Variants in ZDHHC2 observed in about 807,000 individuals in gnomAD.
ZDHHC2 encodes the protein palmitoyltransferase ZDHHC2.
Under a neutral mutation model 55.6 loss-of-function variants are expected in ZDHHC2, and 51 were observed. The ratio of observed to expected loss-of-function variants is 0.92; its 90% CI spans 0.73 to 1.16. ZDHHC2 has a LOEUF of 1.16. Ranked by LOEUF, ZDHHC2 falls within the 50% of genes most tolerant of loss-of-function variation. The pLI, the probability that ZDHHC2 is intolerant of heterozygous loss-of-function variation, is 0.00. For missense variants in ZDHHC2, 491 were observed against 442.4 expected (o/e 1.11, Z -0.99); for synonymous variants, 199 against 152.9 (o/e 1.30, Z -2.22).
chr8:17,213,880 T>C (rs1425165943), intron 10 of ZDHHC2, among the ~76,000 whole-genome samples: 1 of 152,148 alleles, frequency 6.6e-6, no homozygotes, highest in Non-Finnish European at 1.5e-5. Context: ...TAAACCTGTG[T>C]GGAGATATGC....
At position 17,221,518 on chromosome 8, in the gene ZDHHC2, CTAAG is replaced by C. The variant is rs1402015330; in HGVS notation, c.*1301_*1304del. Reference sequence around the variant, plus strand: ...AGATTACCTTTTAAAACTGGACCAACTAAGTAATTGGTATTTAATCAAAGAGAAA... The same window carrying C: ...AGATTACCTTTTAAAACTGGACCAACTAATTGGTATTTAATCAAAGAGAAA... On this transcript the variant is annotated 3_prime_UTR_variant, in exon 13 of 13. Transcript: ENST00000262096. The C allele has an allele frequency of 3.9e-5, 6 of 152,414 alleles. No individual in the cohort carries two copies. The highest frequency in any genetic ancestry group is 1.9e-4 in the East Asian group (1 of 5,192). The allele number at this position is 152,414 out of a possible 1,614,324, so 9.4% of individuals were successfully genotyped here.
At chr8:17,181,093 G>T (rs574873806) in intron 1 of ZDHHC2, among the ~76,000 whole-genome samples, 1 of 152,302 alleles carries the variant, frequency 6.6e-6, no homozygotes, top group Non-Finnish European at 1.5e-5. Flanking sequence ...GAGTGCTATG[G>T]TGTGCTAAGC....
chr8:17,178,356 T>C (rs1326274881), intron 1 of ZDHHC2, among the ~76,000 whole-genome samples: 1 of 152,172 alleles, frequency 6.6e-6, no homozygotes, highest in Admixed American at 6.6e-5. Flanking sequence ...AATTAATATA[T>C]ATAAATCATT....
chr8:17,196,887 G>T (rs1440025767), intron 4 of ZDHHC2, among the ~76,000 whole-genome samples: 1 of 151,638 alleles, frequency 6.6e-6, no homozygotes, highest in East Asian at 1.9e-4. Context: ...CTCCAGCCTA[G>T]GTGACAGTGA....
At chr8:17,197,886 A>T (rs1006471038) in intron 5 of ZDHHC2, among the ~76,000 whole-genome samples, 1 of 152,204 alleles carries the variant, frequency 6.6e-6, no homozygotes, top group African/African-American at 2.4e-5. Flanking sequence ...GATTTTTAGC[A>T]GTTCTGACTT....
intron 2 of ZDHHC2, among the ~76,000 whole-genome samples, chr8:17,185,893 A>G (rs372596830): frequency 6.6e-6 from 1 of 152,258 alleles, no homozygotes; most frequent in African/African-American, 2.4e-5. Context: ...GAGCCAAGCA[A>G]ATAAGCAAAC....
chr8:17,194,494 C>G (rs573769340), intron 3 of ZDHHC2, among the ~76,000 whole-genome samples: 1 of 151,478 alleles, frequency 6.6e-6, no homozygotes, highest in Admixed American at 6.6e-5. Flanking sequence ...AGCTGTTTCC[C>G]TTTATTCCTC....
Position 17,222,203 on chromosome 8 carries a change from T to C in ZDHHC2, c.*1982T>C, listed in dbSNP as rs1585755445. 2 of 151,838 alleles carry C rather than the reference T, an allele frequency of 1.3e-5. No homozygotes were observed. Among genetic ancestry groups the C allele is most frequent in the South Asian group, 2.1e-4 (1 of 4,830 alleles). 9.4% of individuals were successfully genotyped at this position (151,838 alleles called of 1,614,324 possible). A position where few individuals can be genotyped will look rare whatever the true frequency, so the allele number is the denominator to read the frequency against. ...ATCAGATTTGAAAAAGTTAAAACAA[T>C]TTCATTGTTGTAATTGTTCCCTTTC... On this transcript the variant is annotated 3_prime_UTR_variant, in exon 13 of 13. Coordinates refer to ENST00000262096, the MANE Select transcript of ZDHHC2 (RefSeq NM_016353.5).
intron 1 of ZDHHC2, among the ~76,000 whole-genome samples, chr8:17,171,072 AC>A (rs1804830649): frequency 6.6e-6 from 1 of 152,136 alleles, no homozygotes; most frequent in Admixed American, 6.6e-5. Context: ...CCATAGACTT[AC>A]ATGGTTCTAC....
chr8:17,218,038 A>G (rs1807728151), intron 12 of ZDHHC2, among the ~76,000 whole-genome samples: 1 of 152,194 alleles, frequency 6.6e-6, no homozygotes, highest in African/African-American at 2.4e-5. Flanking sequence ...ATCAAAGTTC[A>G]TGGATATCTG....
At chr8:17,160,851 C>T (rs144780964) in intron 1 of ZDHHC2, among the ~76,000 whole-genome samples, 2 of 152,160 alleles carry the variant, frequency 1.3e-5, no homozygotes, top group Admixed American at 6.5e-5. Flanking sequence ...AACAAATGGG[C>T]GTGGCTTTTA....
intron 1 of ZDHHC2, among the ~76,000 whole-genome samples, chr8:17,181,930 A>G (rs1563149345): frequency 6.6e-6 from 1 of 152,176 alleles, no homozygotes; most frequent in Non-Finnish European, 1.5e-5. Flanking sequence ...TTTGACAATA[A>G]CTTTGTATTT....
chr8:17,168,745 A>G (rs771769016), intron 1 of ZDHHC2, among the ~76,000 whole-genome samples: 7 of 151,696 alleles, frequency 4.6e-5, no homozygotes, highest in Non-Finnish European at 7.4e-5. Context: ...ATCATACAAT[A>G]TTTGTCCTTT....
intron 1 of ZDHHC2, among the ~76,000 whole-genome samples, chr8:17,174,544 T>C (rs1456834699): frequency 6.6e-6 from 1 of 152,118 alleles, no homozygotes; most frequent in African/African-American, 2.4e-5. Flanking sequence ...TTTGTTATAT[T>C]GTTAATAGTG....
intron 9 of ZDHHC2, 52 bp downstream of exon 9, chr8:17,210,110 A>G (rs1807303277): frequency 1.3e-6 from 2 of 1,536,204 alleles, no homozygotes; most frequent in Admixed American, 2.2e-5. Context: ...ATAATACAGC[A>G]AAAGATAGTT....
At chr8:17,174,615 G>A (rs1404111532) in intron 1 of ZDHHC2, among the ~76,000 whole-genome samples, 2 of 151,746 alleles carry the variant, frequency 1.3e-5, no homozygotes, top group Admixed American at 6.6e-5. Flanking sequence ...AATCTTTTGG[G>A]TCATAACCTA....
chr8:17,215,421 C>A, intron 11 of ZDHHC2, 72 bp downstream of exon 11: 1 of 1,140,554 alleles, frequency 8.8e-7, no homozygotes, highest in South Asian at 1.4e-5. Context: ...TAAAAAAAAT[C>A]CATTATACTA....
In ZDHHC2 at chr8:17,199,530, T is replaced by TCCG. The variant is rs1364517831; in HGVS notation, c.476+1117_476+1118insCCG. ...CTTCTTCTTCGTCTTCGTCTTCGTCTTCTGTCTTCGTCTTCTGTCTTCGTC... is the reference window on the plus strand; with the variant it reads ...CTTCTTCTTCGTCTTCGTCTTCGTCTCCGTCTGTCTTCGTCTTCTGTCTTCGTC... On this transcript the variant is annotated intron_variant, in intron 6 of 12. Coordinates refer to ENST00000262096, the MANE Select transcript of ZDHHC2 (RefSeq NM_016353.5). Among the ~76,000 whole-genome samples the TCCG allele has an allele frequency of 1.5e-4, 4 of 26,284 alleles. 1 individual carries two copies. Among genetic ancestry groups the TCCG allele is most frequent in the African/African-American group, 2.6e-4 (4 of 15,486 alleles). 17.2% of individuals were successfully genotyped at this position (26,284 alleles called of 152,430 possible).
chr8:17,175,129 G>A (rs1472442204), intron 1 of ZDHHC2, among the ~76,000 whole-genome samples: 1 of 152,100 alleles, frequency 6.6e-6, no homozygotes, highest in Non-Finnish European at 1.5e-5. Flanking sequence ...TAGCTGTTTA[G>A]AGATGTGTTC....
Sources: allele counts gnomAD v4.1 joint callset (sites outside exome capture counted in the v4.1 genomes callset), GRCh38; gene constraint gnomAD v4.1.1; transcripts MANE v1.5; gene names NCBI Gene and HGNC (gene_info 2026-07-23, HGNC 2026-07-21).